ASIC2: variants seen among roughly 807,000 people sequenced by gnomAD.
The protein encoded by ASIC2 is acid-sensing ion channel 2.
In ASIC2, 25 loss-of-function variants were observed where a neutral mutation model predicts 57.3. That is an observed-to-expected ratio of 0.44 (90% CI 0.32 to 0.61). The LOEUF (loss-of-function observed/expected upper bound fraction) is 0.61, where lower values mean the gene tolerates loss of function less well. Ranked by LOEUF, ASIC2 falls within the 20% of genes least tolerant of loss-of-function variation. ASIC2 has a pLI of 0.06. For missense variants in ASIC2, 641 were observed against 738.1 expected, an observed-to-expected ratio of 0.87 and a Z score of 1.52; for synonymous variants, 319 against 307.5, an observed-to-expected ratio of 1.04 and a Z score of -0.39.
At chr17:33,525,711 C>A (rs1914867661) in intron 1 of ASIC2, among the ~76,000 whole-genome samples, 1 of 152,148 alleles carries the variant, frequency 6.6e-6, no homozygotes, top group Admixed American at 6.5e-5. Flanking sequence ...GTAACAAATC[C>A]CTTATTATTT....
intron 1 of ASIC2, among the ~76,000 whole-genome samples, chr17:33,151,680 G>A (rs1197362668): frequency 6.6e-6 from 1 of 152,174 alleles, no homozygotes; most frequent in African/African-American, 2.4e-5. Flanking sequence ...ATAAAAGGAT[G>A]GGTTCACCCC....
intron 1 of ASIC2, among the ~76,000 whole-genome samples, chr17:34,135,330 A>C (rs1272140337): frequency 6.6e-6 from 1 of 152,244 alleles, no homozygotes; most frequent in Non-Finnish European, 1.5e-5. Flanking sequence ...AGCTAGAGAT[A>C]GAAAGTGGCT....
chr17:33,439,747 A>T (rs1210915453), intron 1 of ASIC2, among the ~76,000 whole-genome samples: 2 of 152,178 alleles, frequency 1.3e-5, no homozygotes, highest in African/African-American at 4.8e-5. Context: ...ATTTGTAAAC[A>T]TCTTCGGGAG....
intron 1 of ASIC2, among the ~76,000 whole-genome samples, chr17:34,041,744 A>G (rs990160189): frequency 1.3e-5 from 2 of 152,244 alleles, no homozygotes; most frequent in Non-Finnish European, 2.9e-5. Context: ...AATGCTTGTT[A>G]TCGCTTTCTA....
At chr17:34,037,667 G>C in intron 1 of ASIC2, 1 of 1,613,764 alleles carries the variant, frequency 6.2e-7, no homozygotes, top group Non-Finnish European at 8.5e-7. Context: ...TGATGCAATA[G>C]CAGCTCCAGC....
intron 1 of ASIC2, among the ~76,000 whole-genome samples, chr17:33,446,595 C>T (rs977061483): frequency 6.6e-6 from 1 of 152,130 alleles, no homozygotes; most frequent in Admixed American, 6.5e-5. Flanking sequence ...ATCATCTTCT[C>T]CCACGTGGAG....
At chr17:33,320,516 A>G (rs546508798) in intron 1 of ASIC2, among the ~76,000 whole-genome samples, 3 of 152,312 alleles carry the variant, frequency 2.0e-5, no homozygotes. Context: ...CCAGTTGGAG[A>G]CAGAGCTGGT....
At chr17:33,165,465 G>GT (rs1473337307) in intron 1 of ASIC2, among the ~76,000 whole-genome samples, 1 of 152,154 alleles carries the variant, frequency 6.6e-6, no homozygotes, top group Non-Finnish European at 1.5e-5. Flanking sequence ...GTGTGTGTGT[G>GT]TGTGCGTGCA....
chr17:33,565,237 G>A (rs1181202373), intron 1 of ASIC2, among the ~76,000 whole-genome samples: 1 of 152,148 alleles, frequency 6.6e-6, no homozygotes, highest in Non-Finnish European at 1.5e-5. Context: ...TTTTCCATAT[G>A]AGCCATCCAA....
intron 1 of ASIC2, among the ~76,000 whole-genome samples, chr17:33,551,357 G>C (rs76560506): frequency 6.6e-6 from 1 of 152,256 alleles, no homozygotes; most frequent in Non-Finnish European, 1.5e-5. Context: ...ACGCTGTTAG[G>C]ACTCATTCTA....
At chr17:33,524,085 C>G (rs2141956836) in intron 1 of ASIC2, among the ~76,000 whole-genome samples, 1 of 152,298 alleles carries the variant, frequency 6.6e-6, no homozygotes, top group African/African-American at 2.4e-5. Flanking sequence ...ACTCAGCATG[C>G]CCCTGGGCCA....
chr17:33,172,221 A>T (rs1460073605), intron 1 of ASIC2, among the ~76,000 whole-genome samples: 1 of 152,138 alleles, frequency 6.6e-6, no homozygotes, highest in Non-Finnish European at 1.5e-5. Flanking sequence ...CTCCCAAATG[A>T]TCATGTCCTA....
intron 1 of ASIC2, among the ~76,000 whole-genome samples, chr17:33,454,118 G>T (rs1048892055): frequency 1.3e-4 from 20 of 152,186 alleles, no homozygotes; most frequent in African/African-American, 4.8e-4. Flanking sequence ...ACAGTCTTAA[G>T]CATTTCCTTT....
chr17:33,206,238 C>A (rs1296825464), intron 1 of ASIC2, among the ~76,000 whole-genome samples: 1 of 152,146 alleles, frequency 6.6e-6, no homozygotes, highest in Non-Finnish European at 1.5e-5. Flanking sequence ...ATCCTCGGGA[C>A]CCATTTGGTG....
In ASIC2 at chr17:33,487,882, G is replaced by A. The variant is rs191947586; in HGVS notation, c.556-375815C>T. On this transcript the variant is annotated intron_variant, in intron 1 of 9. Transcript: ENST00000359872. ...CATCAGCGGTTTGCCAGGGGCTCTT[G>A]GGCCTTTGGCAAAAGACTGAAGGAT... Among the ~76,000 whole-genome samples, 82 of 152,244 alleles carry A rather than the reference G, an allele frequency of 5.4e-4. No individual in the cohort carries two copies. The East Asian group carries it at 0.01, about 19-fold the overall frequency.
intron 1 of ASIC2, among the ~76,000 whole-genome samples, chr17:33,996,678 TTTA>T (rs1255167717): frequency 6.6e-6 from 1 of 152,112 alleles, no homozygotes; most frequent in African/African-American, 2.4e-5. Flanking sequence ...AATGCAGAGG[TTTA>T]TTTTGTGCTT....
At chr17:33,148,714 T>C (rs1357294623) in intron 1 of ASIC2, among the ~76,000 whole-genome samples, 1 of 152,232 alleles carries the variant, frequency 6.6e-6, no homozygotes, top group Non-Finnish European at 1.5e-5. Flanking sequence ...CCTCAAAAAA[T>C]ATTAGCTCAC....
intron 1 of ASIC2, among the ~76,000 whole-genome samples, chr17:33,796,291 G>A (rs1597879424): frequency 6.6e-6 from 1 of 152,238 alleles, no homozygotes; most frequent in East Asian, 1.9e-4. Context: ...ATAATGCTAA[G>A]CACATCTGGG....
At chr17:34,019,316 G>A (rs1907075168) in intron 1 of ASIC2, among the ~76,000 whole-genome samples, 1 of 152,196 alleles carries the variant, frequency 6.6e-6, no homozygotes, top group Non-Finnish European at 1.5e-5. Flanking sequence ...AGCATGGTTT[G>A]AGAGGACTGA....
Sources: allele counts gnomAD v4.1 joint callset (sites outside exome capture counted in the v4.1 genomes callset), GRCh38; gene constraint gnomAD v4.1.1; transcripts MANE v1.5; gene names NCBI Gene and HGNC (gene_info 2026-07-23, HGNC 2026-07-21).